KIFC3: variants seen among roughly 807,000 people sequenced by gnomAD.
KIFC3 encodes kinesin-like protein KIFC3.
KIFC3 carries 60 observed loss-of-function variants against 101.8 expected under a neutral mutation model. The observed-to-expected ratio is 0.59, with a 90% CI of 0.48 to 0.73. KIFC3 has a LOEUF of 0.73. KIFC3 is among the 30% of genes least tolerant of loss of function. The pLI is 0.00. For missense variants in KIFC3, 966 were observed against 1,137.1 expected (o/e 0.85, Z 2.16); for synonymous variants, 476 against 482.7 (o/e 0.99, Z 0.18).
At chr16:57,789,029 C>T (rs1396005598) in intron 3 of KIFC3, among the ~76,000 whole-genome samples, 1 of 152,216 alleles carries the variant, frequency 6.6e-6, no homozygotes, top group African/African-American at 2.4e-5. Context: ...TGAGAGTCAC[C>T]AGCACAGAGG....
upstream of KIFC3, among the ~76,000 whole-genome samples, chr16:57,804,226 CT>C (rs201765198): frequency 3.2e-4 from 49 of 151,796 alleles, 1 homozygote; most frequent in African/African-American, 1.2e-3. Context: ...CTTTAGAAGT[CT>C]TTTTTTTTCC....
At chr16:57,783,033 T>C (rs1383075636) in intron 3 of KIFC3, among the ~76,000 whole-genome samples, 1 of 152,000 alleles carries the variant, frequency 6.6e-6, no homozygotes. Flanking sequence ...CTTGTGGGAG[T>C]GGGGTAAGCT....
chr16:57,797,811 T>A (rs944016849), intron 2 of KIFC3: 1 of 1,380,536 alleles, frequency 7.2e-7, no homozygotes, highest in South Asian at 1.6e-5. Context: ...TGCAGCTGAT[T>A]CCCCCTGCTC....
chr16:57,860,032 TA>T (rs1377738930), intron 1 of KIFC3, among the ~76,000 whole-genome samples: 42 of 71,464 alleles, frequency 5.9e-4, no homozygotes, highest in African/African-American at 2.9e-3. Flanking sequence ...AAAAATAAAA[TA>T]AAATAAAATA....
intron 9 of KIFC3, among the ~76,000 whole-genome samples, chr16:57,767,426 C>T (rs2050616733): frequency 6.6e-6 from 1 of 152,204 alleles, no homozygotes; most frequent in Non-Finnish European, 1.5e-5. Context: ...CTCCCAGTTA[C>T]ATTTCACAGG....
intron 1 of KIFC3, among the ~76,000 whole-genome samples, chr16:57,826,128 C>A (rs903481192): frequency 6.6e-5 from 10 of 152,264 alleles, no homozygotes; most frequent in Non-Finnish European, 1.2e-4. Flanking sequence ...CTGGAGGGTC[C>A]TTCCCCAGAA....
intron 1 of KIFC3, among the ~76,000 whole-genome samples, chr16:57,808,774 T>C (rs1030361488): frequency 1.3e-5 from 2 of 152,180 alleles, no homozygotes; most frequent in Non-Finnish European, 2.9e-5. Context: ...TTGAGCTCAT[T>C]CACTGGCTCA....
At chr16:57,796,596 G>A (rs1555623103) in intron 2 of KIFC3, among the ~76,000 whole-genome samples, 1 of 152,238 alleles carries the variant, frequency 6.6e-6, no homozygotes. Flanking sequence ...CACGGCGCTT[G>A]CATTTCACAC....
In KIFC3 at chr16:57,798,218, TTCCACG is replaced by T; in HGVS notation, c.20_25del (p.Thr7_Trp8del). 1 of 1,549,234 alleles carries T rather than the reference TTCCACG, an allele frequency of 6.5e-7. No homozygotes were observed. Among genetic ancestry groups the T allele is most frequent in the Non-Finnish European group, 8.7e-7 (1 of 1,147,276 alleles). On this transcript the variant is annotated inframe_deletion, in exon 2 of 20. Transcript: ENST00000445690. ...CCGCAGCGAGGGCGTGGCTCCCAGG[TTCCACG>T]TCCTGCGAGAGGGGACCATGGCCTG...
chr16:57,770,404 A>G, intron 7 of KIFC3, 123 bp downstream of exon 7: 1 of 894,622 alleles, frequency 1.1e-6, no homozygotes, highest in Non-Finnish European at 1.5e-6. Flanking sequence ...TCCCGTGGCC[A>G]TCGGGGAGAG....
intron 1 of KIFC3, among the ~76,000 whole-genome samples, chr16:57,859,492 A>T (rs2056249179): frequency 6.6e-6 from 1 of 152,192 alleles, no homozygotes; most frequent in African/African-American, 2.4e-5. Context: ...CTAAGGAGAT[A>T]CTAATTATAG....
intron 1 of KIFC3, among the ~76,000 whole-genome samples, chr16:57,844,790 C>T (rs1443005093): frequency 6.6e-6 from 1 of 152,182 alleles, no homozygotes; most frequent in Non-Finnish European, 1.5e-5. Flanking sequence ...CCACAGCAGC[C>T]TGTGCCCTGG....
intron 1 of KIFC3, among the ~76,000 whole-genome samples, chr16:57,836,845 T>C (rs2055698008): frequency 6.6e-6 from 1 of 152,066 alleles, no homozygotes; most frequent in African/African-American, 2.4e-5. Flanking sequence ...GCACACACCA[T>C]CATAAGCTGC....
In KIFC3 at chr16:57,764,155, C is replaced by T. The variant is rs369875793; in HGVS notation, c.1605G>A (p.Thr535=). 43 of 1,611,842 alleles carry T rather than the reference C, an allele frequency of 2.7e-5. No homozygotes were observed. The highest frequency in any genetic ancestry group is 3.3e-5 in the Admixed American group (2 of 59,988). ...FAYGQTGAGK[T]YTMEGTAENP... ...GGGCAGCACCCACCTCCATCGTGTA[C>T]GTCTTGCCGGCGCCCGTCTGGCCGT... The change falls in exon 12 of 20, where the codon ACG becomes ACA. Residue 535 remains threonine, a synonymous_variant. Coordinates refer to ENST00000445690, the MANE Select transcript of KIFC3 (RefSeq NM_001130100.2).
chr16:57,831,041 T>G lies in KIFC3; in HGVS notation c.108+31688A>C, dbSNP rs558770120. ...GTGGGAAATTCATCAGCCCTGGTGA[T>G]GGTGACTTACGCCACACTTGAGCCT... On this transcript the variant is annotated intron_variant, in intron 1 of 2. Transcript: ENST00000563028. 2.0e-5 allele frequency among the ~76,000 whole-genome samples: 3 copies of G among 152,348 alleles called. No individual in the cohort carries two copies. In the South Asian group the frequency reaches 6.2e-4, roughly 32 times the overall value.
chr16:57,854,583 G>C (rs79888756), intron 1 of KIFC3, among the ~76,000 whole-genome samples: 1 of 150,316 alleles, frequency 6.7e-6, no homozygotes, highest in African/African-American at 2.4e-5. Flanking sequence ...AGTTGAGATC[G>C]CGCCACTCCA....
upstream of KIFC3, among the ~76,000 whole-genome samples, chr16:57,806,169 T>A (rs1289941033): frequency 5.9e-5 from 9 of 152,354 alleles, no homozygotes; most frequent in Non-Finnish European, 1.0e-4. Context: ...TTGTGTTTAA[T>A]CTGATTCTCA....
Position 57,762,291 on chromosome 16 carries a change from C to T in KIFC3, c.1618-21G>A, listed in dbSNP as rs782378495. The T allele has an allele frequency of 9.2e-6, 14 of 1,521,700 alleles. No homozygotes were observed. In the South Asian group the frequency reaches 1.7e-4, roughly 19 times the overall value. 94.3% of individuals were successfully genotyped at this position (1,521,700 alleles called of 1,614,324 possible). A position where few individuals can be genotyped will look rare whatever the true frequency, so the allele number is the denominator to read the frequency against. The stretch of plus-strand genomic sequence containing the variant: ...GTCCCCTGGGGACAGAAGGAAAGGC[C>T]CCAGTAAGCCAGGCCTGTCCCCAAA... On this transcript the variant is annotated intron_variant, in intron 12 of 19. Coordinates refer to ENST00000445690, the MANE Select transcript of KIFC3 (RefSeq NM_001130100.2).
intron 1 of KIFC3, among the ~76,000 whole-genome samples, chr16:57,847,651 G>A (rs1232145182): frequency 6.6e-6 from 1 of 152,050 alleles, no homozygotes; most frequent in African/African-American, 2.4e-5. Context: ...AGTCCTGAAA[G>A]AGATTTGCAG....
Sources: gnomAD v4.1 joint callset for allele counts (sites outside exome capture counted in the v4.1 genomes callset) on GRCh38, gnomAD v4.1.1 for gene constraint, MANE v1.5 for transcripts, NCBI Gene and HGNC (gene_info 2026-07-23, HGNC 2026-07-21) for gene names.